The following BUB1B variants were observed in gnomAD, a reference collection of about 807,000 sequenced individuals.
BUB1B encodes the protein mitotic checkpoint serine/threonine-protein kinase BUB1 beta.
A neutral mutation model predicts 137.7 loss-of-function variants in BUB1B; 86 were observed. The ratio of observed to expected loss-of-function variants is 0.62; its 90% CI spans 0.52 to 0.75. The LOEUF is 0.75. Ranked by LOEUF, BUB1B falls within the 30% of genes least tolerant of loss-of-function variation. The probability of loss-of-function intolerance (pLI) is 0.00; values close to 1 mark genes in which losing one functional copy is unlikely to be tolerated. For missense variants in BUB1B, 1,130 were observed against 1,236.9 expected (o/e 0.91, Z 1.30); for synonymous variants, 420 against 417.9 (o/e 1.00, Z -0.06).
At position 40,209,748 on chromosome 15, in the gene BUB1B, T is replaced by G; in HGVS notation, c.2257T>G (p.Leu753Val). ...LCIEDRPMPKLEIEKEIELGN... is the reference protein window; with the variant it reads ...LCIEDRPMPKVEIEKEIELGN... Reference sequence around the variant, plus strand: ...TATAGAAGACAGACCAATGCCTAAGTTGGAAATTGAGAAGGAAATTGAATT... The same window carrying G: ...TATAGAAGACAGACCAATGCCTAAGGTGGAAATTGAGAAGGAAATTGAATT... The change falls in exon 17 of 23, where the codon TTG becomes GTG. Residue 753 changes from leucine (L) to valine (V), a missense_variant. Leu to Val is a conservative substitution (Grantham distance 32). Coordinates refer to ENST00000287598, the MANE Select transcript of BUB1B (RefSeq NM_001211.6). 6.2e-7 allele frequency: 1 copy of G among 1,614,116 alleles called. No individual in the cohort carries two copies. Among genetic ancestry groups the G allele is most frequent in the African/African-American group, 1.3e-5 (1 of 75,038 alleles).
At chr15:40,194,754 TTA>T (rs1451236089) in intron 8 of BUB1B, among the ~76,000 whole-genome samples, 1 of 152,226 alleles carries the variant, frequency 6.6e-6, no homozygotes, top group Non-Finnish European at 1.5e-5. Flanking sequence ...GGACTTAATA[TTA>T]TTAGGTTCCT....
chr15:40,191,672 A>C (rs2037439912), intron 8 of BUB1B, among the ~76,000 whole-genome samples: 2 of 152,172 alleles, frequency 1.3e-5, no homozygotes, highest in Non-Finnish European at 1.5e-5. Context: ...AAGGAGTCCA[A>C]ATTCATTTTT....
chr15:40,161,342 G>C, intron 1 of BUB1B, 87 bp downstream of exon 1: 2 of 1,471,008 alleles, frequency 1.4e-6, no homozygotes, highest in Non-Finnish European at 9.2e-7. Flanking sequence ...AGCAGTCGAG[G>C]GGGAGATCGG....
At chr15:40,189,031 A>G (rs894182199) in intron 8 of BUB1B, among the ~76,000 whole-genome samples, 3 of 152,140 alleles carry the variant, frequency 2.0e-5, no homozygotes, top group African/African-American at 4.8e-5. Flanking sequence ...CATACCTGTA[A>G]GACTCGATTC....
chr15:40,207,883 A>T (rs925396779), intron 15 of BUB1B, among the ~76,000 whole-genome samples: 2 of 149,520 alleles, frequency 1.3e-5, no homozygotes, highest in East Asian at 3.9e-4. Flanking sequence ...ATAAAAATAA[A>T]AAAAAAAAAT....
In BUB1B at chr15:40,212,605, G is replaced by C. The variant is rs775770578; in HGVS notation, c.2492G>C (p.Gly831Ala). 6.2e-7 allele frequency: 1 copy of C among 1,613,626 alleles called. No individual in the cohort carries two copies. ...TGCAGCTGTTATCAATATCAAGATG[G>C]CTGTATTGTTTGGCACCAATATATA... ...HFCSCYQYQD[G>A]CIVWHQYINC... The change falls in exon 19 of 23, where the codon GGC (glycine) becomes GCC (alanine). Residue 831 changes from glycine to alanine, a missense_variant. Transcript: ENST00000287598.
Position 40,213,361 on chromosome 15 carries a change from C to T in BUB1B, c.2565C>T (p.Thr855=). Residue 855 remains threonine, a synonymous_variant, in exon 20 of 23, where the codon ACC becomes ACT. Transcript: ENST00000287598. ...QDLLQHSEYI[T]HEITVLIIYN... The stretch of plus-strand genomic sequence containing the variant: ...TTCTCCAACACAGTGAATATATTAC[C>T]CATGAAATAACAGTGTTGATTATTT... 6.2e-7 allele frequency: 1 copy of T among 1,613,780 alleles called. No individual in the cohort carries two copies. Among genetic ancestry groups the T allele is most frequent in the Non-Finnish European group, 8.5e-7 (1 of 1,179,798 alleles).
intron 5 of BUB1B, among the ~76,000 whole-genome samples, chr15:40,178,298 C>T (rs1405166897): frequency 6.6e-6 from 1 of 152,004 alleles, no homozygotes; most frequent in East Asian, 1.9e-4. Flanking sequence ...TATTTTCTAG[C>T]TTACCCCGTG....
At chr15:40,217,760 C>T (rs922220722) in intron 21 of BUB1B, 93 bp downstream of exon 21, 6 of 1,428,320 alleles carry the variant, frequency 4.2e-6, no homozygotes, top group South Asian at 3.4e-5. Flanking sequence ...TTACTGATAC[C>T]GACTCCTAGA....
At chr15:40,195,431 C>T (rs1364490279) in intron 8 of BUB1B, among the ~76,000 whole-genome samples, 1 of 152,108 alleles carries the variant, frequency 6.6e-6, no homozygotes, top group Admixed American at 6.6e-5. Flanking sequence ...GTGAATTATG[C>T]TGCTAAAATA....
chr15:40,218,841 G>C (rs2037841900), intron 22 of BUB1B, among the ~76,000 whole-genome samples: 1 of 152,220 alleles, frequency 6.6e-6, no homozygotes, highest in African/African-American at 2.4e-5. Context: ...TCCCTGTTTA[G>C]ATATGTGAAA....
chr15:40,167,138 A>AT (rs370203780), intron 2 of BUB1B, among the ~76,000 whole-genome samples: 41 of 145,318 alleles, frequency 2.8e-4, no homozygotes, highest in African/African-American at 9.6e-4. Flanking sequence ...TGTGTTGCAA[A>AT]TTTTTTTTCC....
chr15:40,180,787 C>G (rs563699909), intron 5 of BUB1B, among the ~76,000 whole-genome samples: 1 of 150,204 alleles, frequency 6.7e-6, no homozygotes, highest in South Asian at 2.1e-4. Flanking sequence ...GTAGCTGGGA[C>G]TACAGGTGCC....
chr15:40,209,913 A>G (rs1388940854), intron 17 of BUB1B, 138 bp downstream of exon 17: 1 of 1,116,552 alleles, frequency 9.0e-7, no homozygotes, highest in East Asian at 2.5e-5. Context: ...AGGATGACAC[A>G]TCAGTAACTT....
chr15:40,181,792 TA>T (rs1215230928), intron 5 of BUB1B, among the ~76,000 whole-genome samples: 2 of 152,270 alleles, frequency 1.3e-5, no homozygotes, highest in African/African-American at 4.8e-5. Context: ...TTTTCAATTC[TA>T]AAATTTCTGT....
At chr15:40,188,288 C>T (rs537280778) in intron 8 of BUB1B, among the ~76,000 whole-genome samples, 1 of 152,246 alleles carries the variant, frequency 6.6e-6, no homozygotes, top group South Asian at 2.1e-4. Context: ...CGTGATCTGC[C>T]TGTCTCGGCC....
At chr15:40,174,189 A>G (rs1464546813) in intron 4 of BUB1B, among the ~76,000 whole-genome samples, 1 of 152,194 alleles carries the variant, frequency 6.6e-6, no homozygotes, top group Non-Finnish European at 1.5e-5. Context: ...AGTGAAATCA[A>G]TGTTAAGCTA....
rs77270497 is a variant in BUB1B, at chr15:40,183,077, T to C, written c.582-637T>C. ...ATTTATTCTGGGTTTTTTGGGGTTT[T>C]TTTTACCCTTATGATAATACTTTTT... On this transcript the variant is annotated intron_variant, in intron 5 of 22. Coordinates refer to ENST00000287598, the MANE Select transcript of BUB1B (RefSeq NM_001211.6). Among the ~76,000 whole-genome samples, 937 of 152,306 alleles carry C rather than the reference T, an allele frequency of 6.2e-3. 50 individuals carry two copies. In the East Asian group the frequency reaches 0.13, roughly 21 times the overall value.
At chr15:40,192,972 TCCCTAGTAGCTGGGACTACAGGTGCATG>T (rs1210747415) in intron 8 of BUB1B, among the ~76,000 whole-genome samples, 1 of 151,934 alleles carries the variant, frequency 6.6e-6, no homozygotes, top group Non-Finnish European at 1.5e-5. Flanking sequence ...CACCTCATCC[TCCCTAGTAGCTGGGACTACAGGTGCATG>T]CCACCATGGC....
Sources: allele counts gnomAD v4.1 joint callset (sites outside exome capture counted in the v4.1 genomes callset), GRCh38; gene constraint gnomAD v4.1.1; transcripts MANE v1.5; gene names NCBI Gene and HGNC (gene_info 2026-07-23, HGNC 2026-07-21).